Variants in GABRG3 observed in about 807,000 individuals in gnomAD.
GABRG3 encodes the protein gamma-aminobutyric acid type A receptor subunit gamma3, also known as gamma-aminobutyric acid receptor subunit gamma-3.
A neutral mutation model predicts 48.8 loss-of-function variants in GABRG3; 25 were observed. The observed-to-expected ratio is 0.51, with a 90% CI of 0.37 to 0.72. The LOEUF (loss-of-function observed/expected upper bound fraction) is 0.72. Ranked by LOEUF, GABRG3 falls within the 30% of genes least tolerant of loss-of-function variation. The pLI, the probability that GABRG3 is intolerant of heterozygous loss-of-function variation, is 0.00. For missense variants in GABRG3, 394 were observed against 577.9 expected (o/e 0.68, Z 3.26); for synonymous variants, 227 against 217.6 (o/e 1.04, Z -0.38).
chr15:27,498,218 T>C (rs1459215367), intron 6 of GABRG3, among the ~76,000 whole-genome samples: 1 of 152,012 alleles, frequency 6.6e-6, no homozygotes, highest in East Asian at 1.9e-4. Context: ...TGGCATGGAG[T>C]GTCTGTTCCT....
rs970087358 is a variant in GABRG3, at chr15:27,112,490, G to A, written c.270+85669G>A. On this transcript the variant is annotated intron_variant, in intron 3 of 9. Transcript: ENST00000615808. ...GGTCTCACTGTGTTGCCCAGGCTTG[G>A]AGTGCTGTGGTACAATCTCAGCTTA... Among the ~76,000 whole-genome samples, 14 of 145,774 alleles carry A rather than the reference G, an allele frequency of 9.6e-5. No individual in the cohort carries two copies. In the South Asian group the frequency reaches 1.1e-3, roughly 11 times the overall value.
chr15:27,489,734 C>T (rs577672934), intron 6 of GABRG3, among the ~76,000 whole-genome samples: 65 of 152,064 alleles, frequency 4.3e-4, no homozygotes, highest in African/African-American at 1.5e-3. Flanking sequence ...TTGTTTTATT[C>T]CTGTAAATTT....
chr15:27,064,482 G>A (rs1295224533), intron 3 of GABRG3, among the ~76,000 whole-genome samples: 2 of 152,282 alleles, frequency 1.3e-5, no homozygotes, highest in African/African-American at 2.4e-5. Context: ...GGAACGCTGG[G>A]CTTTCTGGCC....
intron 3 of GABRG3, among the ~76,000 whole-genome samples, chr15:27,222,722 C>G (rs983545628): frequency 6.6e-6 from 1 of 152,148 alleles, no homozygotes; most frequent in Non-Finnish European, 1.5e-5. Flanking sequence ...ATTAGATGCT[C>G]TACATGACTC....
chr15:27,429,894 G>T (rs1888400572), intron 5 of GABRG3, among the ~76,000 whole-genome samples: 2 of 152,142 alleles, frequency 1.3e-5, no homozygotes, highest in Admixed American at 6.6e-5. Context: ...TCATGTGCAG[G>T]TTTTGATTAT....
chr15:27,435,141 A>G (rs1464861354), intron 5 of GABRG3, among the ~76,000 whole-genome samples: 1 of 151,406 alleles, frequency 6.6e-6, no homozygotes, highest in African/African-American at 2.4e-5. Flanking sequence ...GGTCTTCCCC[A>G]TCACCCTATA....
intron 5 of GABRG3, among the ~76,000 whole-genome samples, chr15:27,351,493 GTGTGTGTGTTGGTA>G (rs1389459609): frequency 1.8e-4 from 27 of 146,260 alleles, no homozygotes; most frequent in Admixed American, 1.4e-3. Flanking sequence ...TGTGTATGGT[GTGTGTGTGTTGGTA>G]TGTGTGTATG....
chr15:27,145,622 T>TATC (rs796979925), intron 3 of GABRG3, among the ~76,000 whole-genome samples: 26 of 144,900 alleles, frequency 1.8e-4, no homozygotes, highest in East Asian at 1.2e-3. Context: ...TCTATCTATC[T>TATC]ATCTATCTAT....
rs959890400 is a variant in GABRG3, at chr15:27,264,266, TAAAAAA to T, written c.271-62539_271-62534del. ...ATCCATCCTTTTCAAAAAATAAAAA[TAAAAAA>T]AAATCAAACTCTAAAAATCCACCTA... is the stretch of plus-strand genomic sequence containing the variant. On this transcript the variant is annotated intron_variant, in intron 3 of 9. Coordinates refer to ENST00000615808, the MANE Select transcript of GABRG3 (RefSeq NM_033223.5). 1.8e-4 allele frequency among the ~76,000 whole-genome samples: 27 copies of T among 151,122 alleles called. No individual in the cohort carries two copies. The East Asian group carries it at 4.5e-3, about 25-fold the overall frequency.
At chr15:27,388,264 AGG>A (rs1896071206) in intron 5 of GABRG3, among the ~76,000 whole-genome samples, 1 of 42,554 alleles carries the variant, frequency 2.3e-5, no homozygotes, top group Non-Finnish European at 4.3e-5. Context: ...GAAGGAAAGG[AGG>A]GAGGGAGGGT....
intron 6 of GABRG3, among the ~76,000 whole-genome samples, chr15:27,501,784 ACACTTAGGG>A: frequency 6.6e-6 from 1 of 152,258 alleles, no homozygotes; most frequent in South Asian, 2.1e-4. Context: ...GCACCTTTGA[ACACTTAGGG>A]ATGAGAAACA....
intron 3 of GABRG3, among the ~76,000 whole-genome samples, chr15:27,173,974 G>A (rs1300725103): frequency 2.0e-5 from 3 of 152,110 alleles, no homozygotes; most frequent in Admixed American, 6.6e-5. Context: ...TGATTTGATA[G>A]CTATCAAGAT....
At chr15:27,493,830 T>A (rs1365012801) in intron 6 of GABRG3, among the ~76,000 whole-genome samples, 1 of 152,098 alleles carries the variant, frequency 6.6e-6, no homozygotes, top group Admixed American at 6.5e-5. Context: ...ATTGGGATGA[T>A]TATTTGTTGC....
chr15:27,036,546 TG>T (rs1896182115), intron 3 of GABRG3, among the ~76,000 whole-genome samples: 1 of 152,054 alleles, frequency 6.6e-6, no homozygotes, highest in Admixed American at 6.5e-5. Context: ...AAAAATTAGC[TG>T]GGCTTTGTGG....
chr15:27,195,696 A>G (rs575644683), intron 3 of GABRG3, among the ~76,000 whole-genome samples: 13 of 142,588 alleles, frequency 9.1e-5, no homozygotes, highest in African/African-American at 3.4e-4. Context: ...GTGTAGTGGC[A>G]TGATCTCAGC....
chr15:27,507,703 A>T (rs76234807), intron 6 of GABRG3, among the ~76,000 whole-genome samples: 3,934 of 152,216 alleles, frequency 0.026, 165 homozygotes, highest in African/African-American at 0.09. Flanking sequence ...CAAGTCTTCC[A>T]TATCCTTACA....
At chr15:27,246,632 G>A in intron 3 of GABRG3, among the ~76,000 whole-genome samples, 1 of 152,106 alleles carries the variant, frequency 6.6e-6, no homozygotes, top group East Asian at 1.9e-4. Flanking sequence ...TTGGGCAAAT[G>A]TTATAGTTAA....
intron 3 of GABRG3, among the ~76,000 whole-genome samples, chr15:27,136,363 A>G (rs1182919193): frequency 1.3e-5 from 2 of 152,180 alleles, no homozygotes; most frequent in African/African-American, 4.8e-5. Context: ...AATTTTCAAG[A>G]GATTTTTTTG....
chr15:27,523,509 A>G (rs1416153055), intron 7 of GABRG3, among the ~76,000 whole-genome samples: 2 of 151,892 alleles, frequency 1.3e-5, no homozygotes, highest in East Asian at 1.9e-4. Context: ...AATATCACTC[A>G]TCATATCAAA....
Sources: gnomAD v4.1 joint callset for allele counts (sites outside exome capture counted in the v4.1 genomes callset) on GRCh38, gnomAD v4.1.1 for gene constraint, MANE v1.5 for transcripts, NCBI Gene and HGNC (gene_info 2026-07-23, HGNC 2026-07-21) for gene names.